The following ADGRL2 variants were observed in gnomAD, a reference collection of about 807,000 sequenced individuals.
ADGRL2 encodes calcium-independent alpha-latrotoxin receptor 2.
ADGRL2 carries 44 observed loss-of-function variants against 157.4 expected under a neutral mutation model. That is an observed-to-expected ratio of 0.28 (90% CI 0.22 to 0.36). The LOEUF (loss-of-function observed/expected upper bound fraction) is 0.36. Among genes scored for constraint, ADGRL2 ranks in the 10% least tolerant of loss-of-function variants. ADGRL2 has a pLI of 1.00. For missense variants in ADGRL2, 1,510 were observed against 1,768.9 expected, an observed-to-expected ratio of 0.85 and a Z score of 2.63; for synonymous variants, 585 against 624.7, an observed-to-expected ratio of 0.94 and a Z score of 0.95.
intron 2 of ADGRL2, among the ~76,000 whole-genome samples, chr1:81,467,102 G>C (rs1489305997): frequency 1.3e-5 from 2 of 151,838 alleles, no homozygotes; most frequent in Non-Finnish European, 2.9e-5. Flanking sequence ...TCATAATGTG[G>C]ACAATAAGAC....
chr1:81,804,451 C>A (rs2088804114), intron 1 of ADGRL2, among the ~76,000 whole-genome samples: 2 of 152,202 alleles, frequency 1.3e-5, no homozygotes, highest in Non-Finnish European at 2.9e-5. Context: ...AGCTTTAGCT[C>A]AATTGAGAAA....
At chr1:81,767,522 G>T (rs958667892) in intron 2 of ADGRL2, among the ~76,000 whole-genome samples, 1 of 152,032 alleles carries the variant, frequency 6.6e-6, no homozygotes, top group African/African-American at 2.4e-5. Context: ...AGAATTATCT[G>T]GCCTAAAATG....
intron 2 of ADGRL2, among the ~76,000 whole-genome samples, chr1:81,446,146 C>T (rs563144221): frequency 4.3e-4 from 65 of 152,146 alleles, no homozygotes; most frequent in African/African-American, 1.5e-3. Flanking sequence ...ATTGGCATCC[C>T]ATTGCCCTTT....
intron 14 of ADGRL2, among the ~76,000 whole-genome samples, chr1:81,968,792 T>A (rs1335037972): frequency 1.3e-5 from 2 of 152,210 alleles, no homozygotes; most frequent in East Asian, 3.9e-4. Flanking sequence ...AACTTAAAAC[T>A]TGGCTTATGT....
At chr1:81,849,725 G>A (rs17468073) in intron 2 of ADGRL2, among the ~76,000 whole-genome samples, 2,583 of 151,936 alleles carry the variant, frequency 0.017, 39 homozygotes, top group Middle Eastern at 0.027. Flanking sequence ...CCTTAAGATT[G>A]CATGTTTTGG....
At chr1:81,489,908 A>C (rs1362860335) in intron 2 of ADGRL2, among the ~76,000 whole-genome samples, 3 of 152,182 alleles carry the variant, frequency 2.0e-5, no homozygotes, top group Non-Finnish European at 4.4e-5. Flanking sequence ...GGTTAGATAA[A>C]CAAAAGCTAA....
At chr1:81,567,929 G>A (rs1282308548) in intron 2 of ADGRL2, among the ~76,000 whole-genome samples, 1 of 151,998 alleles carries the variant, frequency 6.6e-6, no homozygotes, top group Non-Finnish European at 1.5e-5. Flanking sequence ...TAAATAGCAA[G>A]ATAAGTCATA....
At chr1:81,429,343 G>A (rs999578264) in intron 1 of ADGRL2, among the ~76,000 whole-genome samples, 2 of 151,962 alleles carry the variant, frequency 1.3e-5, no homozygotes, top group African/African-American at 2.4e-5. Context: ...TCTCATACAC[G>A]ATTCATGCAG....
chr1:81,778,625 C>A (rs557591280), intron 2 of ADGRL2, among the ~76,000 whole-genome samples: 41 of 152,192 alleles, frequency 2.7e-4, no homozygotes, highest in Non-Finnish European at 5.6e-4. Flanking sequence ...ACATCCATTT[C>A]ATGGATCGAA....
At chr1:81,802,464 C>T in intron 1 of ADGRL2, among the ~76,000 whole-genome samples, 1 of 152,090 alleles carries the variant, frequency 6.6e-6, no homozygotes, top group South Asian at 2.1e-4. Context: ...CCGGTCCAGC[C>T]GGCTTCTCCT....
intron 5 of ADGRL2, 37 bp downstream of exon 5, chr1:81,942,082 A>G: frequency 1.3e-6 from 1 of 757,442 alleles, no homozygotes. Context: ...GCTCCCTGTT[A>G]TGTGCCTTAT....
intron 2 of ADGRL2, among the ~76,000 whole-genome samples, chr1:81,494,758 T>C (rs1053069908): frequency 6.6e-6 from 1 of 152,202 alleles, no homozygotes; most frequent in African/African-American, 2.4e-5. Flanking sequence ...TTCTTCATCT[T>C]GGAATCTTTT....
At chr1:81,956,748 A>G (rs1318502520) in intron 11 of ADGRL2, among the ~76,000 whole-genome samples, 1 of 152,248 alleles carries the variant, frequency 6.6e-6, no homozygotes, top group African/African-American at 2.4e-5. Context: ...TGAAGTTAAC[A>G]GTATACCTTA....
chr1:81,634,520 T>G (rs1292308309), intron 3 of ADGRL2, among the ~76,000 whole-genome samples: 1 of 147,720 alleles, frequency 6.8e-6, no homozygotes, highest in Admixed American at 6.7e-5. Context: ...TTGTTTTTTT[T>G]TTTTTGGTTT....
intron 1 of ADGRL2, among the ~76,000 whole-genome samples, chr1:81,384,822 A>AGG (rs1006291739): frequency 1.3e-5 from 2 of 152,196 alleles, no homozygotes; most frequent in Admixed American, 1.3e-4. Flanking sequence ...GTAATAGATT[A>AGG]GGGTACAAGG....
intron 2 of ADGRL2, among the ~76,000 whole-genome samples, chr1:81,495,858 T>G (rs977549511): frequency 2.2e-4 from 33 of 152,184 alleles, no homozygotes; most frequent in African/African-American, 8.0e-4. Flanking sequence ...CCATTTCTCA[T>G]TGTTCTCCTG....
chr1:81,554,763 T>C (rs1042781614), intron 2 of ADGRL2, among the ~76,000 whole-genome samples: 18 of 152,244 alleles, frequency 1.2e-4, no homozygotes, highest in African/African-American at 4.3e-4. Flanking sequence ...GTTTAACCTA[T>C]ACATTGTAAC....
chr1:81,463,664 AC>A (rs1483930065), intron 2 of ADGRL2, among the ~76,000 whole-genome samples: 1 of 152,148 alleles, frequency 6.6e-6, no homozygotes, highest in African/African-American at 2.4e-5. Context: ...TGAGATAGTT[AC>A]CTAAATTAGT....
At chr1:81,384,792 G>A (rs1217875812) in intron 1 of ADGRL2, among the ~76,000 whole-genome samples, 2 of 152,044 alleles carry the variant, frequency 1.3e-5, no homozygotes, top group Non-Finnish European at 2.9e-5. Flanking sequence ...ACTGAGAAAG[G>A]CCATTTCATT....
Sources: allele counts gnomAD v4.1 joint callset (sites outside exome capture counted in the v4.1 genomes callset), GRCh38; gene constraint gnomAD v4.1.1; transcripts MANE v1.5; gene names NCBI Gene and HGNC (gene_info 2026-07-23, HGNC 2026-07-21).